SLC22A12: variants seen among roughly 807,000 people sequenced by gnomAD.
The protein encoded by SLC22A12 is solute carrier family 22 member 12.
SLC22A12 carries 56 observed loss-of-function variants against 52.7 expected under a neutral mutation model. The ratio of observed to expected loss-of-function variants is 1.06; its 90% CI spans 0.86 to 1.33. The LOEUF is 1.33. Among genes scored for constraint, SLC22A12 ranks in the 40% most tolerant of loss-of-function variants. The pLI is 0.00. For missense variants in SLC22A12, 683 were observed against 741.5 expected (o/e 0.92, Z 0.92); for synonymous variants, 337 against 324.6 (o/e 1.04, Z -0.41).
intron 4 of SLC22A12, among the ~76,000 whole-genome samples, chr11:64,597,826 A>G (rs114234600): frequency 1.8e-3 from 268 of 152,138 alleles, no homozygotes; most frequent in African/African-American, 5.8e-3. Flanking sequence ...GTAGTGGGAG[A>G]CAGGTCAGTG....
At chr11:64,598,364 G>T in intron 4 of SLC22A12, 152 bp from the exon 5 acceptor site, 1 of 1,056,034 alleles carries the variant, frequency 9.5e-7, no homozygotes, top group Non-Finnish European at 1.4e-6. Flanking sequence ...GGGTGCCCAA[G>T]AGGGCTTGGC....
At chr11:64,595,250 ATGGAATGGATGG>A (rs2039106847) in intron 4 of SLC22A12, among the ~76,000 whole-genome samples, 1 of 81,304 alleles carries the variant, frequency 1.2e-5, no homozygotes, top group African/African-American at 4.1e-5. Context: ...GGATGGATGG[ATGGAATGGATGG>A]ATGGATGGAT....
In SLC22A12 at chr11:64,601,685, G is replaced by T; in HGVS notation, c.*134G>T. On this transcript the variant is annotated 3_prime_UTR_variant, in exon 10 of 10. Coordinates refer to ENST00000377574, the MANE Select transcript of SLC22A12 (RefSeq NM_144585.4). Reference sequence around the variant, plus strand: ...CCTCTGAGGTCCCCACTCTCCCCCAGGGCTGCCCCTCCAGGTGAGCCCTGC... The same window carrying T: ...CCTCTGAGGTCCCCACTCTCCCCCATGGCTGCCCCTCCAGGTGAGCCCTGC... 1 of 978,370 alleles carries T rather than the reference G, an allele frequency of 1.0e-6. No homozygotes were observed. The highest frequency in any genetic ancestry group is 1.6e-6 in the Non-Finnish European group (1 of 633,408). 60.6% of individuals were successfully genotyped at this position (978,370 alleles called of 1,614,324 possible).
intron 7 of SLC22A12, 42 bp downstream of exon 7, chr11:64,599,932 G>T (rs538629966): frequency 1.3e-6 from 2 of 1,584,160 alleles, no homozygotes; most frequent in African/African-American, 2.7e-5. Flanking sequence ...CCCTACCTTG[G>T]GGGGGTCTCG....
chr11:64,592,992 G>A lies in SLC22A12; in HGVS notation c.506+110G>A, dbSNP rs1411121622. ...CCTCACAAAACCAAGTCTAGAAAGC[G>A]CCCTACTTGCTGGGTGTGGGTCTCG... On this transcript the variant is annotated intron_variant, in intron 2 of 9. Transcript: ENST00000377574. 53 of 1,002,480 alleles carry A rather than the reference G, an allele frequency of 5.3e-5. 1 individual carries two copies. Among genetic ancestry groups the A allele is most frequent in the Middle Eastern group, 2.5e-4 (1 of 4,002 alleles). 62.1% of individuals were successfully genotyped at this position (1,002,480 alleles called of 1,614,324 possible). A position where few individuals can be genotyped will look rare whatever the true frequency, so the allele number is the denominator to read the frequency against.
In SLC22A12 at chr11:64,593,739, C is replaced by T. The variant is rs545057478; in HGVS notation, c.766C>T (p.Arg256Trp). The change falls in exon 4 of 10, where the codon CGG becomes TGG. Residue 256 changes from arginine to tryptophan, a missense_variant. Arg to Trp is a moderately radical substitution (Grantham distance 101). Transcript: ENST00000377574. ...GACAGCTGCAGTGGCCTACGGTGTG[C>T]GGGACTGGACACTGCTGCAGCTGGT... ...GLTAAVAYGVRDWTLLQLVVS... is the reference protein window; with the variant it reads ...GLTAAVAYGVWDWTLLQLVVS... 34 of 1,613,394 alleles carry T rather than the reference C, an allele frequency of 2.1e-5. No homozygotes were observed. The Admixed American group carries it at 3.0e-4, about 14-fold the overall frequency.
At chr11:64,595,475 AGATG>A (rs534095797) in intron 4 of SLC22A12, among the ~76,000 whole-genome samples, 223 of 122,306 alleles carry the variant, frequency 1.8e-3, no homozygotes, top group African/African-American at 6.6e-3. Context: ...TGTTTGGAAT[AGATG>A]GATGGATGGA....
intron 4 of SLC22A12, among the ~76,000 whole-genome samples, chr11:64,595,674 A>AGATGGATGGATGGATGGTTGTAATAGATG (rs2039152707): frequency 4.2e-5 from 5 of 120,278 alleles, no homozygotes; most frequent in African/African-American, 1.7e-4. Context: ...TGGTTGTAAT[A>AGATGGATGGATGGATGGTTGTAATAGATG]GATGGATGGA....
rs1242495900 is a variant in SLC22A12 at position 64,591,621 on chromosome 11, T to C, written c.65T>C (p.Met22Thr). 5.0e-6 allele frequency: 8 copies of C among 1,613,196 alleles called. No individual in the cohort carries two copies. The highest frequency in any genetic ancestry group is 2.7e-5 in the African/African-American group (2 of 74,948). Residue 22 changes from methionine to threonine, a missense_variant, in exon 1 of 10, where the codon ATG becomes ACG. Coordinates refer to ENST00000377574, the MANE Select transcript of SLC22A12 (RefSeq NM_144585.4). ...GLGRFQVLQT[M>T]ALMVSIMWLC... is the part of the protein sequence containing the mutation. ...GGCAGGTTCCAGGTTCTCCAGACGATGGCTCTGATGGTCTCCATCATGTGG... is the reference window on the plus strand; with the variant it reads ...GGCAGGTTCCAGGTTCTCCAGACGACGGCTCTGATGGTCTCCATCATGTGG...
chr11:64,592,935 C>A, intron 2 of SLC22A12, 53 bp downstream of exon 2: 2 of 1,506,874 alleles, frequency 1.3e-6, no homozygotes, highest in South Asian at 2.2e-5. Flanking sequence ...CCCCTGCTCT[C>A]CTAGGACCCT....
intron 4 of SLC22A12, among the ~76,000 whole-genome samples, chr11:64,596,736 C>A (rs540178528): frequency 2.0e-5 from 3 of 152,134 alleles, no homozygotes; most frequent in Non-Finnish European, 4.4e-5. Flanking sequence ...CAATCGTGTC[C>A]GACAAGAGCC....
Position 64,598,831 on chromosome 11 carries a change from G to A in SLC22A12, c.978G>A (p.Glu326=). The change falls in exon 6 of 10, where the codon GAG becomes GAA. Residue 326 remains glutamate, a synonymous_variant. Coordinates refer to ENST00000377574, the MANE Select transcript of SLC22A12 (RefSeq NM_144585.4). ...TPEVLLSAMR[E]ELSMGQPPAS... ...AGGTCTTGCTTTCAGCCATGCGGGA[G>A]GAGCTGAGCATGGGCCAGCCTCCTG... 6.2e-7 allele frequency: 1 copy of A among 1,612,638 alleles called. No individual in the cohort carries two copies. The highest frequency in any genetic ancestry group is 8.5e-7 in the Non-Finnish European group (1 of 1,179,980).
Position 64,592,863 on chromosome 11 carries a change from T to G in SLC22A12, c.487T>G (p.Cys163Gly). 1.2e-6 allele frequency: 2 copies of G among 1,613,836 alleles called. No homozygotes were observed. Among genetic ancestry groups the G allele is most frequent in the African/African-American group, 1.3e-5 (1 of 75,050 alleles). Residue 163 changes from cysteine (C) to glycine (G), a missense_variant, in exon 2 of 10, where the codon TGC becomes GGC. Cys to Gly is a radical substitution (Grantham distance 159). Transcript: ENST00000377574. ...TGGGATTCTGGTGGGAGCTGCTGCG[T>G]GCGGCCCTGCCTCAGACAGGTGAGT... The part of the protein sequence containing the change: ...LAGILVGAAA[C>G]GPASDRFGRR...
chr11:64,591,395 G>A lies in SLC22A12; in HGVS notation c.-162G>A. 1.1e-6 allele frequency: 1 copy of A among 927,694 alleles called. No individual in the cohort carries two copies. The highest frequency in any genetic ancestry group is 1.6e-6 in the Non-Finnish European group (1 of 624,562). The allele number at this position is 927,694 out of a possible 1,614,324, so 57.5% of individuals were successfully genotyped here. On this transcript the variant is annotated 5_prime_UTR_variant, in exon 1 of 10. Coordinates refer to ENST00000377574, the MANE Select transcript of SLC22A12 (RefSeq NM_144585.4). ...TGACACCAGCAGGCAGATGACCAGAGAGCCTGAGCCTCCGGCCCCGAGTCT... is the reference window on the plus strand; with the variant it reads ...TGACACCAGCAGGCAGATGACCAGAAAGCCTGAGCCTCCGGCCCCGAGTCT...
chr11:64,599,624 C>G (rs2039377626), intron 6 of SLC22A12, 52 bp from the exon 7 acceptor site: 1 of 173,472 alleles, frequency 5.8e-6, no homozygotes, highest in South Asian at 6.8e-5. Context: ...CCCTGCCCAC[C>G]ACCCCCCCCC....
chr11:64,594,003 G>A (rs937528634), intron 4 of SLC22A12, among the ~76,000 whole-genome samples, 200 bp downstream of exon 4: 3 of 152,166 alleles, frequency 2.0e-5, no homozygotes, highest in African/African-American at 7.2e-5. Flanking sequence ...TGGGTCCCCA[G>A]GGCGCCTCCC....
At position 64,600,870 on chromosome 11, in the gene SLC22A12, G is replaced by A; in HGVS notation, c.1530G>A (p.Leu510=). ...VYGTVPVLSG[L]AALLLPETQS... ...GGACGGTGCCAGTGCTGAGTGGCCT[G>A]GCCGCACTGCTTCTGCCCGAGACCC... Residue 510 remains leucine (L), a synonymous_variant, in exon 9 of 10, where the codon CTG becomes CTA. Coordinates refer to ENST00000377574, the MANE Select transcript of SLC22A12 (RefSeq NM_144585.4). The A allele has an allele frequency of 6.2e-7, 1 of 1,609,334 alleles. No individual in the cohort carries two copies. Among genetic ancestry groups the A allele is most frequent in the Non-Finnish European group, 8.5e-7 (1 of 1,179,972 alleles).
chr11:64,594,145 C>T (rs1324170476), intron 4 of SLC22A12, among the ~76,000 whole-genome samples: 1 of 152,248 alleles, frequency 6.6e-6, no homozygotes, highest in Admixed American at 6.5e-5. Context: ...CTTCTGAGCC[C>T]CTCCTCTGTG....
intron 6 of SLC22A12, among the ~76,000 whole-genome samples, chr11:64,599,148 G>A (rs775243749): frequency 7.2e-5 from 11 of 152,140 alleles, no homozygotes; most frequent in African/African-American, 2.7e-4. Context: ...GCAGTAGGTA[G>A]GATCCCTAAC....
Sources: allele counts gnomAD v4.1 joint callset (sites outside exome capture counted in the v4.1 genomes callset), GRCh38; gene constraint gnomAD v4.1.1; transcripts MANE v1.5; gene names NCBI Gene and HGNC (gene_info 2026-07-23, HGNC 2026-07-21).